LRP1: variants seen among roughly 807,000 people sequenced by gnomAD.
LRP1 encodes the protein prolow-density lipoprotein receptor-related protein 1.
Under a neutral mutation model 541.5 loss-of-function variants are expected in LRP1, and 51 were observed. The observed-to-expected ratio is 0.09, with a 90% CI of 0.08 to 0.12. The LOEUF is 0.12. LRP1 is among the 10% of genes least tolerant of loss of function. The probability of loss-of-function intolerance (pLI) is 1.00; values close to 1 mark genes in which losing one functional copy is unlikely to be tolerated. For synonymous variants in LRP1, 2,219 were observed against 2,470.8 expected (o/e 0.90, Z 3.02); for missense variants, 3,878 against 6,376.2 (o/e 0.61, Z 13.34).
chr12:57,202,037 C>T, intron 67 of LRP1, 132 bp downstream of exon 67: 6 of 1,215,742 alleles, frequency 4.9e-6, no homozygotes, highest in Non-Finnish European at 7.0e-6. Flanking sequence ...CTTCCTGGGC[C>T]TGCTGTGGGG....
At chr12:57,132,190 T>G (rs1242101850) in intron 1 of LRP1, 1 of 152,276 alleles carries the variant, frequency 6.6e-6, no homozygotes, top group Non-Finnish European at 1.5e-5. Flanking sequence ...GATCCTGCAT[T>G]GTTTGGAGAA....
intron 44 of LRP1, among the ~76,000 whole-genome samples, chr12:57,191,867 C>CATGCAGTA (rs2036399262): frequency 2.3e-5 from 1 of 43,394 alleles, no homozygotes; most frequent in Non-Finnish European, 4.5e-5. Context: ...CACATACACA[C>CATGCAGTA]CACACATACC....
chr12:57,202,817 A>C (rs2036685426), intron 68 of LRP1: 1 of 577,212 alleles, frequency 1.7e-6, no homozygotes, highest in Admixed American at 3.0e-5. Context: ...TCTGTCCCAG[A>C]GCCCCCCATC....
At position 57,179,865 on chromosome 12, in the gene LRP1, A is replaced by C; in HGVS notation, c.5050A>C (p.Ile1684Leu). The C allele has an allele frequency of 6.2e-7, 1 of 1,614,182 alleles. No individual in the cohort carries two copies. The highest frequency in any genetic ancestry group is 8.5e-7 in the Non-Finnish European group (1 of 1,180,038). Reference sequence around the variant, plus strand: ...AAGCTATGACACCAATAAGAAGCAGATCAATGTGGCCCGGCTGGATGGCTC... The same window carrying C: ...AAGCTATGACACCAATAAGAAGCAGCTCAATGTGGCCCGGCTGGATGGCTC... ...WTSYDTNKKQ[I>L]NVARLDGSFK... The change falls in exon 30 of 89, where the codon ATC (isoleucine) becomes CTC (leucine). Residue 1684 changes from isoleucine (I) to leucine (L), a missense_variant. By Grantham distance (5) the Ile-to-Leu change is conservative. This residue lies in a region of LRP1 where 394 missense variants were observed against 635.9 expected (regional missense o/e 0.62). Coordinates refer to ENST00000243077, the MANE Select transcript of LRP1 (RefSeq NM_002332.3). The surrounding 1 kb of genome is among the most constrained non-coding windows in gnomAD (Gnocchi z 6.8).
In LRP1 at chr12:57,204,055, C is replaced by G. The variant is rs1592660208; in HGVS notation, c.10952-355C>G. On this transcript the variant is annotated intron_variant, in intron 70 of 88. Transcript: ENST00000243077. This position sits in a 1 kb window ranked among gnomAD's most constrained non-coding sequence, Gnocchi z 5.3. ...GTAGGCCAGGCACAGGGATGGGAAC[C>G]CGGTCTTCCATTCCCAGCCCAGTGC... 4.6e-6 allele frequency: 1 copy of G among 218,216 alleles called. No homozygotes were observed. The highest frequency in any genetic ancestry group is 1.1e-4 in the East Asian group (1 of 9,468). The allele number at this position is 218,216 out of a possible 1,614,324, so 13.5% of individuals were successfully genotyped here.
rs201789394 is a variant in LRP1 at position 57,192,999 on chromosome 12, G to A, written c.7555+29G>A. 135 of 1,607,940 alleles carry A rather than the reference G, an allele frequency of 8.4e-5. 1 individual carries two copies. The highest frequency in any genetic ancestry group is 1.5e-4 in the Admixed American group (9 of 59,978). ...AGAGAGGCGGGGGGGAGGGGCTGGC[G>A]GGGAACCCAAGCACACACCAGGGAT... On this transcript the variant is annotated intron_variant, in intron 45 of 88. Transcript: ENST00000243077.
chr12:57,191,577 A>G (rs895921531), intron 44 of LRP1, 65 bp downstream of exon 44: 20 of 1,418,658 alleles, frequency 1.4e-5, no homozygotes, highest in Non-Finnish European at 1.8e-5. Context: ...ACAAACACAC[A>G]CCCCACACAC....
In LRP1 at chr12:57,206,681, G is replaced by A. The variant is rs746862323; in HGVS notation, c.11799G>A (p.Ala3933=). ...TISYRSLPPA[A]PPTTSNRHRR... ...CCTACCGCAGCCTGCCACCTGCTGC[G>A]CCTCCTACCACTTCCAACCGCCACC... is the stretch of plus-strand genomic sequence containing the variant. The change falls in exon 76 of 89, where the codon GCG becomes GCA. Residue 3933 remains alanine, a synonymous_variant. Coordinates refer to ENST00000243077, the MANE Select transcript of LRP1 (RefSeq NM_002332.3). The surrounding 1 kb of genome is among the most constrained non-coding windows in gnomAD (Gnocchi z 4.7). 16 of 1,613,500 alleles carry A rather than the reference G, an allele frequency of 9.9e-6. No homozygotes were observed. The highest frequency in any genetic ancestry group is 5.0e-5 in the Admixed American group (3 of 60,012).
At chr12:57,148,629 C>A (rs1355436895) in intron 6 of LRP1, among the ~76,000 whole-genome samples, 4 of 152,184 alleles carry the variant, frequency 2.6e-5, no homozygotes, top group Non-Finnish European at 5.9e-5. Flanking sequence ...TTGGAGGATG[C>A]CACCACTGTA....
chr12:57,180,637 C>G, intron 32 of LRP1, 30 bp from the exon 33 acceptor site: 1 of 1,613,454 alleles, frequency 6.2e-7, no homozygotes, highest in Non-Finnish European at 8.5e-7. Context: ...GGGGCCTTCC[C>G]AAGGGTCTCA....
At chr12:57,149,861 C>A in intron 6 of LRP1, 1 of 666,220 alleles carries the variant, frequency 1.5e-6, no homozygotes, top group Non-Finnish European at 2.7e-6. Flanking sequence ...TCGAAGTCCT[C>A]AGACTCTCCG....
chr12:57,209,921 T>C, intron 80 of LRP1, 53 bp downstream of exon 80: 1 of 1,600,610 alleles, frequency 6.2e-7, no homozygotes, highest in East Asian at 2.2e-5. Context: ...GGGCATTGAG[T>C]CTCCAAGCTG....
chr12:57,179,056 T>C lies in LRP1; in HGVS notation c.4738+35T>C. 1 of 1,603,794 alleles carries C rather than the reference T, an allele frequency of 6.2e-7. No homozygotes were observed. The highest frequency in any genetic ancestry group is 8.5e-7 in the Non-Finnish European group (1 of 1,175,584). ...CCTCCCTCCAGAGCCAGTGAGCAAC[T>C]GAGGCTGGAGGGAAGGCCGCAGGCC... On this transcript the variant is annotated intron_variant, in intron 28 of 88. Transcript: ENST00000243077. This position sits in a 1 kb window ranked among gnomAD's most constrained non-coding sequence, Gnocchi z 6.8.
intron 76 of LRP1, among the ~76,000 whole-genome samples, chr12:57,207,124 T>C (rs2036797069): frequency 6.6e-6 from 1 of 151,790 alleles, no homozygotes; most frequent in African/African-American, 2.4e-5. Context: ...GCGCCTGTAG[T>C]CCCAGCTACT....
chr12:57,141,596 G>A (rs1382686527), intron 3 of LRP1, 85 bp downstream of exon 3: 23 of 1,529,020 alleles, frequency 1.5e-5, no homozygotes, highest in Admixed American at 5.2e-5. Context: ...GGCACCTTCA[G>A]TGGGGATGAG....
In LRP1 at chr12:57,185,460, C is replaced by G; in HGVS notation, c.6464-71C>G. 6.7e-7 allele frequency: 1 copy of G among 1,503,254 alleles called. No individual in the cohort carries two copies. Among genetic ancestry groups the G allele is most frequent in the Non-Finnish European group, 8.9e-7 (1 of 1,128,740 alleles). 93.1% of individuals were successfully genotyped at this position (1,503,254 alleles called of 1,614,324 possible). A position where few individuals can be genotyped will look rare whatever the true frequency, so the allele number is the denominator to read the frequency against. ...GCAGAGGGCAGAGCTTTCGCCAAAGCCTGGATGACAAAGGCACCAGTGAGC... is the reference window on the plus strand; with the variant it reads ...GCAGAGGGCAGAGCTTTCGCCAAAGGCTGGATGACAAAGGCACCAGTGAGC... On this transcript the variant is annotated intron_variant, in intron 40 of 88. Transcript: ENST00000243077. This position sits in a 1 kb window ranked among gnomAD's most constrained non-coding sequence, Gnocchi z 4.9.
intron 68 of LRP1, 151 bp downstream of exon 68, chr12:57,202,688 T>G (rs1235047691): frequency 1.6e-6 from 1 of 629,236 alleles, no homozygotes; most frequent in Non-Finnish European, 2.9e-6. Context: ...CTCCATGTCG[T>G]GTATTTGAGT....
chr12:57,134,102 G>A (rs2035099883), intron 1 of LRP1, among the ~76,000 whole-genome samples: 1 of 152,196 alleles, frequency 6.6e-6, no homozygotes, highest in Admixed American at 6.5e-5. Context: ...GGTGGCCCTG[G>A]GGACCGTGGC....
chr12:57,184,860 G>A lies in LRP1; in HGVS notation c.6208G>A (p.Asp2070Asn), dbSNP rs965146489. Residue 2070 changes from aspartate (D) to asparagine (N), a missense_variant, in exon 39 of 89, where the codon GAT becomes AAT. By Grantham distance (23) the Asp-to-Asn change is conservative (BLOSUM62 1). Coordinates refer to ENST00000243077, the MANE Select transcript of LRP1 (RefSeq NM_002332.3). This position sits in a 1 kb window ranked among gnomAD's most constrained non-coding sequence, Gnocchi z 7.8. ...DYQDGKLYWC[D>N]ARTDKIERID... ...GTAGGATGGGAAGCTGTACTGGTGC[G>A]ATGCACGGACAGACAAGATTGAACG... 1.9e-6 allele frequency: 3 copies of A among 1,613,990 alleles called. No homozygotes were observed. The highest frequency in any genetic ancestry group is 1.1e-5 in the South Asian group (1 of 91,068).
Sources: allele counts gnomAD v4.1 joint callset (sites outside exome capture counted in the v4.1 genomes callset), GRCh38; gene constraint gnomAD v4.1.1; regional missense constraint gnomAD v4.1.1; non-coding constraint Gnocchi (gnomAD v3.1); transcripts MANE v1.5; gene names NCBI Gene and HGNC (gene_info 2026-07-23, HGNC 2026-07-21).